Variants in OPCML observed in about 807,000 individuals in gnomAD.
OPCML encodes the protein opioid binding protein/cell adhesion molecule like.
In OPCML, 13 loss-of-function variants were observed where a neutral mutation model predicts 37.8. The observed-to-expected ratio is 0.34, with a 90% CI of 0.22 to 0.55. The LOEUF (loss-of-function observed/expected upper bound fraction) is 0.55, where lower values mean the gene tolerates loss of function less well. Ranked by LOEUF, OPCML falls within the 20% of genes least tolerant of loss-of-function variation. The pLI is 0.91. For missense variants in OPCML, 341 were observed against 435.6 expected (o/e 0.78, Z 1.93); for synonymous variants, 176 against 168.8 (o/e 1.04, Z -0.33).
At chr11:133,272,459 A>C (rs11223424) in intron 1 of OPCML, among the ~76,000 whole-genome samples, 51,602 of 151,992 alleles carry the variant, frequency 0.34, 9,623 homozygotes, top group East Asian at 0.73. Context: ...AGATTTTTTC[A>C]TATACAGAAC....
At chr11:132,521,549 C>A (rs2096293783) in intron 4 of OPCML, among the ~76,000 whole-genome samples, 1 of 151,620 alleles carries the variant, frequency 6.6e-6, no homozygotes, top group African/African-American at 2.4e-5. Context: ...AACAGAAAAC[C>A]AAATACTGCA....
chr11:133,023,109 T>C (rs1947483615), intron 1 of OPCML, among the ~76,000 whole-genome samples: 1 of 152,222 alleles, frequency 6.6e-6, no homozygotes, highest in South Asian at 2.1e-4. Context: ...GCTTGCTCTA[T>C]TGCAACCCCG....
chr11:132,799,742 A>AG (rs1193527074), intron 2 of OPCML, among the ~76,000 whole-genome samples: 1 of 152,184 alleles, frequency 6.6e-6, no homozygotes, highest in East Asian at 1.9e-4. Context: ...TGTAAAAAAA[A>AG]AAATGTGATA....
At chr11:132,700,017 G>A (rs199912536) in intron 2 of OPCML, among the ~76,000 whole-genome samples, 1 of 151,536 alleles carries the variant, frequency 6.6e-6, no homozygotes, top group Admixed American at 6.6e-5. Context: ...TTCAATCCTT[G>A]TAATTGGCCT....
intron 1 of OPCML, chr11:133,422,297 G>A (rs3891442): frequency 1.0e-6 from 1 of 983,916 alleles, no homozygotes; most frequent in Non-Finnish European, 1.2e-6. Flanking sequence ...ACGAAGATAT[G>A]GGGCAAGAAT....
At chr11:132,739,574 T>C (rs537798199) in intron 2 of OPCML, among the ~76,000 whole-genome samples, 1 of 152,306 alleles carries the variant, frequency 6.6e-6, no homozygotes, top group East Asian at 1.9e-4. Flanking sequence ...AATACCAACC[T>C]AATAATTATC....
At chr11:132,559,464 G>A (rs945887049) in intron 3 of OPCML, among the ~76,000 whole-genome samples, 1 of 152,190 alleles carries the variant, frequency 6.6e-6, no homozygotes, top group African/African-American at 2.4e-5. Flanking sequence ...TATGGAAATA[G>A]GTAAAAGCTA....
At chr11:132,478,085 C>A (rs2096163553) in intron 4 of OPCML, among the ~76,000 whole-genome samples, 2 of 152,070 alleles carry the variant, frequency 1.3e-5, no homozygotes. Context: ...GCAGAATATA[C>A]TCACATGTAA....
chr11:133,111,403 C>A (rs572277039), intron 1 of OPCML, among the ~76,000 whole-genome samples: 2 of 152,224 alleles, frequency 1.3e-5, no homozygotes, highest in Admixed American at 6.5e-5. Context: ...AGAGCTTTTC[C>A]AAGATCACAC....
At chr11:132,677,325 A>C (rs1372066450) in intron 2 of OPCML, among the ~76,000 whole-genome samples, 2 of 152,166 alleles carry the variant, frequency 1.3e-5, no homozygotes, top group Non-Finnish European at 2.9e-5. Flanking sequence ...GTTCTTCTGA[A>C]CTTTAGCTCT....
intron 1 of OPCML, among the ~76,000 whole-genome samples, chr11:133,390,226 G>A (rs61912397): frequency 3.3e-5 from 5 of 152,160 alleles, no homozygotes; most frequent in African/African-American, 7.2e-5. Flanking sequence ...TTGGGAGGCC[G>A]AGGCGGACGG....
At chr11:132,653,974 T>A (rs764718867) in intron 3 of OPCML, among the ~76,000 whole-genome samples, 2 of 152,252 alleles carry the variant, frequency 1.3e-5, no homozygotes, top group Non-Finnish European at 2.9e-5. Flanking sequence ...GTTTTATACA[T>A]GCCTTATTGT....
At chr11:133,524,815 G>A (rs1486892561) in intron 1 of OPCML, among the ~76,000 whole-genome samples, 2 of 152,246 alleles carry the variant, frequency 1.3e-5, no homozygotes, top group Non-Finnish European at 2.9e-5. Context: ...ACATCCCCAA[G>A]CTTCTTGCCC....
intron 1 of OPCML, among the ~76,000 whole-genome samples, chr11:133,455,555 T>C (rs978853556): frequency 2.0e-5 from 3 of 152,208 alleles, no homozygotes; most frequent in Non-Finnish European, 4.4e-5. Flanking sequence ...CTCCAGTTTG[T>C]TCCCAGTGCT....
intron 2 of OPCML, among the ~76,000 whole-genome samples, chr11:132,690,109 TTTTTC>T (rs1346957167): frequency 2.6e-5 from 4 of 152,142 alleles, no homozygotes; most frequent in African/African-American, 9.7e-5. Context: ...GTTCTTTGTC[TTTTTC>T]TTTTCTTTTT....
intron 1 of OPCML, chr11:133,420,341 C>G (rs764323522): frequency 4.4e-5 from 43 of 985,318 alleles, no homozygotes; most frequent in Non-Finnish European, 5.1e-5. Flanking sequence ...TTTAGATATC[C>G]TTTGCTGTTG....
intron 4 of OPCML, among the ~76,000 whole-genome samples, chr11:132,466,622 G>A (rs1313532227): frequency 6.6e-6 from 1 of 152,214 alleles, no homozygotes; most frequent in South Asian, 2.1e-4. Flanking sequence ...AGCCTGGGCA[G>A]TCCAAGATTT....
chr11:133,414,235 T>C (rs1203121884), intron 1 of OPCML, among the ~76,000 whole-genome samples: 1 of 152,144 alleles, frequency 6.6e-6, no homozygotes, highest in Admixed American at 6.5e-5. Flanking sequence ...TGGTTTACCA[T>C]GGAACTTCTT....
At chr11:133,329,259 C>T (rs969095706) in intron 1 of OPCML, among the ~76,000 whole-genome samples, 1 of 152,110 alleles carries the variant, frequency 6.6e-6, no homozygotes, top group Non-Finnish European at 1.5e-5. Flanking sequence ...CCATACTGCC[C>T]AAGGTAATTT....
Sources: allele counts gnomAD v4.1 joint callset (sites outside exome capture counted in the v4.1 genomes callset), GRCh38; gene constraint gnomAD v4.1.1; transcripts MANE v1.5; gene names NCBI Gene and HGNC (gene_info 2026-07-23, HGNC 2026-07-21).